DACH1: variants seen among roughly 807,000 people sequenced by gnomAD.
DACH1 encodes the protein dachshund family transcription factor 1.
A neutral mutation model predicts 54.2 loss-of-function variants in DACH1; 12 were observed. The ratio of observed to expected loss-of-function variants is 0.22; its 90% CI spans 0.14 to 0.36. DACH1 has a LOEUF of 0.36. DACH1 is among the 10% of genes least tolerant of loss of function. The probability of loss-of-function intolerance (pLI) is 1.00; values close to 1 mark genes in which losing one functional copy is unlikely to be tolerated. For synonymous variants in DACH1, 386 were observed against 366.2 expected, an observed-to-expected ratio of 1.05 and a Z score of -0.62; for missense variants, 805 against 929.8, an observed-to-expected ratio of 0.87 and a Z score of 1.75.
chr13:71,687,460 G>C (rs565459571), intron 1 of DACH1, among the ~76,000 whole-genome samples: 22 of 151,896 alleles, frequency 1.4e-4, no homozygotes, highest in African/African-American at 5.3e-4. Flanking sequence ...AGTAAAGGAA[G>C]CAATAAATAC....
intron 1 of DACH1, among the ~76,000 whole-genome samples, chr13:71,699,112 C>T (rs1475422229): frequency 6.6e-6 from 1 of 152,104 alleles, no homozygotes; most frequent in African/African-American, 2.4e-5. Flanking sequence ...ATTTTATTCA[C>T]AATTATATAT....
intron 5 of DACH1, among the ~76,000 whole-genome samples, chr13:71,557,956 C>T (rs1884357139): frequency 1.3e-5 from 2 of 149,784 alleles, no homozygotes; most frequent in Non-Finnish European, 3.0e-5. Context: ...CATAGATTGG[C>T]TTTTGCAGCT....
intron 3 of DACH1, among the ~76,000 whole-genome samples, chr13:71,600,828 A>G (rs1054504705): frequency 3.3e-5 from 5 of 152,126 alleles, no homozygotes; most frequent in African/African-American, 9.6e-5. Context: ...ACTAGAATTA[A>G]GTCATTCTCA....
At chr13:71,620,402 A>G (rs1313500802) in intron 3 of DACH1, among the ~76,000 whole-genome samples, 2 of 151,986 alleles carry the variant, frequency 1.3e-5, no homozygotes, top group Non-Finnish European at 2.9e-5. Context: ...AGTAAAATGA[A>G]AACTATTGAA....
At chr13:71,604,813 A>C (rs887467336) in intron 3 of DACH1, among the ~76,000 whole-genome samples, 2 of 151,904 alleles carry the variant, frequency 1.3e-5, no homozygotes, top group Non-Finnish European at 2.9e-5. Context: ...TATTCTGCTA[A>C]TAAATCAAAA....
At chr13:71,818,679 T>C (rs1888061002) in intron 1 of DACH1, among the ~76,000 whole-genome samples, 1 of 152,218 alleles carries the variant, frequency 6.6e-6, no homozygotes, top group Non-Finnish European at 1.5e-5. Context: ...GTAGCTAATA[T>C]TCACCACTAA....
chr13:71,484,630 T>C (rs963426561), intron 7 of DACH1, among the ~76,000 whole-genome samples: 1 of 152,232 alleles, frequency 6.6e-6, no homozygotes, highest in African/African-American at 2.4e-5. Context: ...TATTCTCTAC[T>C]TAAACTTTAC....
chr13:71,773,788 C>T (rs1206623676), intron 1 of DACH1, among the ~76,000 whole-genome samples: 1 of 152,000 alleles, frequency 6.6e-6, no homozygotes, highest in Non-Finnish European at 1.5e-5. Context: ...TGAAAACAAT[C>T]TTTTATTACT....
At chr13:71,685,993 AT>A (rs1296401303) in intron 1 of DACH1, among the ~76,000 whole-genome samples, 1 of 152,160 alleles carries the variant, frequency 6.6e-6, no homozygotes, top group Non-Finnish European at 1.5e-5. Flanking sequence ...TGAAAAAAGC[AT>A]TTTCTTCTGG....
rs1275264635 is a variant in DACH1 at position 71,779,263 on chromosome 13, GTGTA to G, written c.848+86655_848+86658del. 1.2e-4 allele frequency among the ~76,000 whole-genome samples: 7 copies of G among 58,092 alleles called. 1 individual carries two copies. Among genetic ancestry groups the G allele is most frequent in the African/African-American group, 3.3e-4 (3 of 9,028 alleles). The allele number at this position is 58,092 out of a possible 152,430, so 38.1% of individuals were successfully genotyped here. On this transcript the variant is annotated intron_variant, in intron 1 of 10. Coordinates refer to ENST00000613252, the MANE Select transcript of DACH1 (RefSeq NM_080759.6). ...CATATATACGTATATACGTATATATGTGTATATATACGTATATACGTATATATAC... is the reference window on the plus strand; with the variant it reads ...CATATATACGTATATACGTATATATGTATATACGTATATACGTATATATAC...
intron 6 of DACH1, among the ~76,000 whole-genome samples, chr13:71,496,283 ATATAT>A (rs1175394997): frequency 8.1e-6 from 1 of 122,926 alleles, no homozygotes; most frequent in Non-Finnish European, 1.7e-5. Flanking sequence ...ATATATATAT[ATATAT>A]ATATATATAT....
intron 1 of DACH1, among the ~76,000 whole-genome samples, chr13:71,768,667 C>T (rs1326825611): frequency 6.6e-6 from 1 of 151,838 alleles, no homozygotes. Flanking sequence ...AATAAGGCAG[C>T]TCAAATAAAT....
chr13:71,740,424 A>C (rs1173102655), intron 1 of DACH1, among the ~76,000 whole-genome samples: 2 of 152,206 alleles, frequency 1.3e-5, no homozygotes, highest in Non-Finnish European at 2.9e-5. Flanking sequence ...CTAAACATGA[A>C]GCACAGGGAA....
chr13:71,606,458 G>A (rs1309416051), intron 3 of DACH1, among the ~76,000 whole-genome samples: 1 of 151,976 alleles, frequency 6.6e-6, no homozygotes, highest in Non-Finnish European at 1.5e-5. Flanking sequence ...TAAAATAGAA[G>A]TATTAAATGA....
chr13:71,632,785 T>C (rs1877208598), intron 2 of DACH1, among the ~76,000 whole-genome samples: 1 of 152,174 alleles, frequency 6.6e-6, no homozygotes, highest in South Asian at 2.1e-4. Flanking sequence ...TAAAAGGCAC[T>C]AATCTAAACT....
intron 1 of DACH1, among the ~76,000 whole-genome samples, chr13:71,840,098 C>A (rs111973569): frequency 6.6e-6 from 1 of 152,158 alleles, no homozygotes; most frequent in African/African-American, 2.4e-5. Flanking sequence ...AGGTGCGCAC[C>A]ACCACACCCA....
intron 6 of DACH1, among the ~76,000 whole-genome samples, chr13:71,513,923 G>A (rs1481780256): frequency 1.3e-5 from 2 of 152,012 alleles, no homozygotes; most frequent in Non-Finnish European, 2.9e-5. Context: ...CATATGGCAA[G>A]TTCAGTGAAC....
At chr13:71,794,779 T>C (rs1281931280) in intron 1 of DACH1, among the ~76,000 whole-genome samples, 3 of 152,218 alleles carry the variant, frequency 2.0e-5, no homozygotes, top group East Asian at 3.9e-4. Context: ...GAATTCCTTA[T>C]ACTAATTTTT....
intron 1 of DACH1, among the ~76,000 whole-genome samples, chr13:71,806,637 T>C (rs985719779): frequency 6.6e-6 from 1 of 152,212 alleles, no homozygotes; most frequent in Non-Finnish European, 1.5e-5. Flanking sequence ...ATTATTTAAA[T>C]CTAAGCAGTG....
Sources: allele counts gnomAD v4.1 joint callset (sites outside exome capture counted in the v4.1 genomes callset), GRCh38; gene constraint gnomAD v4.1.1; transcripts MANE v1.5; gene names NCBI Gene and HGNC (gene_info 2026-07-23, HGNC 2026-07-21).